Variants in PCDHGA2 observed in about 807,000 individuals in gnomAD.
The protein encoded by PCDHGA2 is protocadherin gamma subfamily A, 2.
PCDHGA2 carries 40 observed loss-of-function variants against 59.2 expected under a neutral mutation model. The ratio of observed to expected loss-of-function variants is 0.68; its 90% CI spans 0.52 to 0.88. The LOEUF is 0.88. PCDHGA2 is among the 40% of genes least tolerant of loss of function. PCDHGA2 has a pLI of 0.00. For synonymous variants in PCDHGA2, 560 were observed against 526.0 expected (o/e 1.06, Z -0.89); for missense variants, 1,226 against 1,204.0 (o/e 1.02, Z -0.27).
Position 141,364,896 on chromosome 5 carries a change from A to G in PCDHGA2, c.2424+23501A>G, listed in dbSNP as rs1020955411. The G allele has an allele frequency of 9.3e-6, 15 of 1,613,896 alleles. No individual in the cohort carries two copies. In the African/African-American group the frequency reaches 1.7e-4, roughly 19 times the overall value. The stretch of plus-strand genomic sequence containing the variant: ...GATGTGGTAAGCGGAACTGATGGAC[A>G]AAAGTATCCGGAGCTGGTGTTGGAA... On this transcript the variant is annotated intron_variant, in intron 1 of 3. Coordinates refer to ENST00000394576, the MANE Select transcript of PCDHGA2 (RefSeq NM_018915.4).
chr5:141,394,674 C>G lies in PCDHGA2; in HGVS notation c.2424+53279C>G. ...CGAGCCGGGACTCTTCTCGGTGGGT[C>G]TGCACACGGGCGAGGTGCGCACGGC... On this transcript the variant is annotated intron_variant, in intron 1 of 3. Transcript: ENST00000394576. 1 of 1,612,758 alleles carries G rather than the reference C, an allele frequency of 6.2e-7. No individual in the cohort carries two copies. The highest frequency in any genetic ancestry group is 8.5e-7 in the Non-Finnish European group (1 of 1,179,752).
intron 1 of PCDHGA2, chr5:141,400,348 C>T (rs745917638): frequency 1.9e-6 from 3 of 1,614,050 alleles, no homozygotes; most frequent in South Asian, 1.1e-5. Context: ...CAACTACAGT[C>T]AGGGGACTTT....
At position 141,339,260 on chromosome 5, in the gene PCDHGA2, G is replaced by A. The variant is rs781011056; in HGVS notation, c.289G>A (p.Ala97Thr). 1 of 1,614,252 alleles carries A rather than the reference G, an allele frequency of 6.2e-7. No individual in the cohort carries two copies. The highest frequency in any genetic ancestry group is 1.7e-5 in the Admixed American group (1 of 60,034). ...CAGGATAGACCGGGAGGAGCTCTGC[G>A]CTCAGAGCGCACCCTGTCTGTTGAA... is the stretch of plus-strand genomic sequence containing the variant. ...ANRIDREELCAQSAPCLLNFN... is the reference protein window; with the variant it reads ...ANRIDREELCTQSAPCLLNFN... Residue 97 changes from alanine to threonine, a missense_variant, in exon 1 of 4, where the codon GCT becomes ACT. Physicochemically the swap from Ala to Thr is moderately conservative, Grantham distance 58 (BLOSUM62 0). Transcript: ENST00000394576.
At position 141,395,235 on chromosome 5, in the gene PCDHGA2, C is replaced by T. The variant is rs775441341; in HGVS notation, c.2424+53840C>T. 7 of 1,601,042 alleles carry T rather than the reference C, an allele frequency of 4.4e-6. No homozygotes were observed. In the South Asian group the frequency reaches 7.9e-5, roughly 18 times the overall value. ...ATATAAGAATGAAGCTGATCATGGT[C>T]AGGTGAGTTTAGTTCTTTGCTTGCT... On this transcript the variant is annotated intron_variant, in intron 1 of 3. Transcript: ENST00000394576.
intron 1 of PCDHGA2, chr5:141,393,441 C>G: frequency 6.2e-7 from 1 of 1,614,070 alleles, no homozygotes; most frequent in African/African-American, 1.3e-5. Flanking sequence ...TGCTCACCAC[C>G]TGGTCCTCAC....
At chr5:141,351,310 C>A in intron 1 of PCDHGA2, 1 of 1,613,816 alleles carries the variant, frequency 6.2e-7, no homozygotes, top group Non-Finnish European at 8.5e-7. Context: ...CCTTCTCTAA[C>A]CAGATTCCAG....
In PCDHGA2 at chr5:141,345,188, TG is replaced by T. The variant is rs757481424; in HGVS notation, c.2424+3794del. 9.9e-6 allele frequency: 16 copies of T among 1,614,034 alleles called. No homozygotes were observed. In the South Asian group the frequency reaches 1.6e-4, roughly 17 times the overall value. ...GGCAGAATGGGCAGGTTGAAGTTTT[TG>T]TCCTGGGAAATCTGCCATTTAAGTT... On this transcript the variant is annotated intron_variant, in intron 1 of 3. Coordinates refer to ENST00000394576, the MANE Select transcript of PCDHGA2 (RefSeq NM_018915.4).
At chr5:141,350,679 G>A (rs1758533866) in intron 1 of PCDHGA2, 1 of 1,613,878 alleles carries the variant, frequency 6.2e-7, no homozygotes, top group African/African-American at 1.3e-5. Flanking sequence ...TTAGAAATTT[G>A]TGAGTCAGCC....
chr5:141,432,362 C>T lies in PCDHGA2; in HGVS notation c.2425-62445C>T. On this transcript the variant is annotated intron_variant, in intron 1 of 3. Transcript: ENST00000394576. The surrounding 1 kb of genome is among the most constrained non-coding windows in gnomAD (Gnocchi z 6.0). ...AGACTTGCAAGTGAAAGTGATGGCG[C>T]GGGACAACGGGCACCCGCCCCTCAG... 2 of 1,614,218 alleles carry T rather than the reference C, an allele frequency of 1.2e-6. No homozygotes were observed. Among genetic ancestry groups the T allele is most frequent in the South Asian group, 2.2e-5 (2 of 91,082 alleles).
rs887814386 is a variant in PCDHGA2, at chr5:141,431,347, G to A, written c.2425-63460G>A. The A allele has an allele frequency of 1.9e-6, 3 of 1,614,098 alleles. No individual in the cohort carries two copies. The highest frequency in any genetic ancestry group is 2.5e-6 in the Non-Finnish European group (3 of 1,180,036). On this transcript the variant is annotated intron_variant, in intron 1 of 3. Coordinates refer to ENST00000394576, the MANE Select transcript of PCDHGA2 (RefSeq NM_018915.4). This position sits in a 1 kb window ranked among gnomAD's most constrained non-coding sequence, Gnocchi z 4.8. ...GTAGTAAGTACCCCGAATTGGTGCT[G>A]AAACGCGCCCTGGACCGCGAAGAAA...
Position 141,371,593 on chromosome 5 carries a change from A to C in PCDHGA2, c.2424+30198A>C, listed in dbSNP as rs758082937. The C allele has an allele frequency of 1.2e-6, 2 of 1,613,972 alleles. No individual in the cohort carries two copies. The highest frequency in any genetic ancestry group is 1.7e-6 in the Non-Finnish European group (2 of 1,179,876). The stretch of plus-strand genomic sequence containing the variant: ...TTTAAAATCGTTCAAGATACCAAAA[A>C]CACATACAGGTTGGTGACAGATGGA... On this transcript the variant is annotated intron_variant, in intron 1 of 3. Coordinates refer to ENST00000394576, the MANE Select transcript of PCDHGA2 (RefSeq NM_018915.4).
intron 2 of PCDHGA2, among the ~76,000 whole-genome samples, chr5:141,495,550 G>A (rs999176899): frequency 6.6e-6 from 1 of 151,958 alleles, no homozygotes; most frequent in Non-Finnish European, 1.5e-5. Context: ...TCTCTATCTC[G>A]CTTTGCAATC....
In PCDHGA2 at chr5:141,340,300, A is replaced by G. The variant is rs747630173; in HGVS notation, c.1329A>G (p.Ala443=). 2 of 1,614,150 alleles carry G rather than the reference A, an allele frequency of 1.2e-6. No individual in the cohort carries two copies. The highest frequency in any genetic ancestry group is 1.7e-6 in the Non-Finnish European group (2 of 1,180,024). Residue 443 remains alanine (A), a synonymous_variant, in exon 1 of 4, where the codon GCA becomes GCG. Coordinates refer to ENST00000394576, the MANE Select transcript of PCDHGA2 (RefSeq NM_018915.4). ...STDAHILLQV[A]DINDNAPAFS... is the part of the protein sequence containing the mutation. Reference sequence around the variant, plus strand: ...ATGCTCACATTTTGCTCCAGGTGGCAGACATCAACGACAACGCACCCGCCT... The same window carrying G: ...ATGCTCACATTTTGCTCCAGGTGGCGGACATCAACGACAACGCACCCGCCT...
At chr5:141,374,748 G>T in intron 1 of PCDHGA2, 1 of 1,611,888 alleles carries the variant, frequency 6.2e-7, no homozygotes, top group Non-Finnish European at 8.5e-7. Flanking sequence ...GACCCTGTCC[G>T]CTCAAGCGTC....
chr5:141,421,905 A>C, intron 1 of PCDHGA2: 1 of 1,613,752 alleles, frequency 6.2e-7, no homozygotes, highest in Non-Finnish European at 8.5e-7. Context: ...GAAAGGGCGC[A>C]GTTCCCATTC....
chr5:141,384,018 C>G, intron 1 of PCDHGA2: 1 of 1,613,740 alleles, frequency 6.2e-7, no homozygotes, highest in Non-Finnish European at 8.5e-7. Context: ...ACCTACAAGA[C>G]AGAGATTCTG....
chr5:141,409,476 C>T (rs1195323775), intron 1 of PCDHGA2: 1 of 1,613,982 alleles, frequency 6.2e-7, no homozygotes, highest in South Asian at 1.1e-5. Context: ...ATCGTAGCCA[C>T]TGACAGGGGC....
chr5:141,339,182 A>G lies in PCDHGA2; in HGVS notation c.211A>G (p.Arg71Gly). 1 of 1,614,114 alleles carries G rather than the reference A, an allele frequency of 6.2e-7. No individual in the cohort carries two copies. The highest frequency in any genetic ancestry group is 8.5e-7 in the Non-Finnish European group (1 of 1,179,944). Residue 71 changes from arginine (R) to glycine (G), a missense_variant, in exon 1 of 4, where the codon AGG becomes GGG. By Grantham distance (125) the Arg-to-Gly change is moderately radical. Transcript: ENST00000394576. Reference protein sequence around the residue: ...EQGVRIVSRGRSQLFALNPRS... With the variant: ...EQGVRIVSRGGSQLFALNPRS... ...GGGAGTCCGCATCGTCTCCAGAGGT[A>G]GGTCCCAGCTCTTTGCTCTGAACCC...
Position 141,350,877 on chromosome 5 carries a change from G to A in PCDHGA2, c.2424+9482G>A, listed in dbSNP as rs749871543. The A allele has an allele frequency of 6.8e-6, 11 of 1,613,904 alleles. No individual in the cohort carries two copies. In the African/African-American group the frequency reaches 9.3e-5, roughly 14 times the overall value. ...GACAGGGAACATCAGAGCTCTCATC[G>A]CTTAATCCTGACTGCCATGGATGGC... On this transcript the variant is annotated intron_variant, in intron 1 of 3. Coordinates refer to ENST00000394576, the MANE Select transcript of PCDHGA2 (RefSeq NM_018915.4).
Sources: allele counts gnomAD v4.1 joint callset (sites outside exome capture counted in the v4.1 genomes callset), GRCh38; gene constraint gnomAD v4.1.1; non-coding constraint Gnocchi (gnomAD v3.1); transcripts MANE v1.5; gene names NCBI Gene and HGNC (gene_info 2026-07-23, HGNC 2026-07-21).